The following NRG1 variants were observed in gnomAD, a reference collection of about 807,000 sequenced individuals.
NRG1 encodes pro-neuregulin-1, membrane-bound isoform.
A neutral mutation model predicts 63.8 loss-of-function variants in NRG1; 18 were observed. That is an observed-to-expected ratio of 0.28 (90% confidence interval 0.19 to 0.42). The LOEUF is 0.42. NRG1 is among the 10% of genes least tolerant of loss of function. NRG1 has a pLI of 1.00. For synonymous variants in NRG1, 302 were observed against 301.3 expected (o/e 1.00, Z -0.02); for missense variants, 762 against 814.7 (o/e 0.94, Z 0.79).
At chr8:32,597,148 A>C (rs1843498851) in intron 2 of NRG1, among the ~76,000 whole-genome samples, 1 of 152,208 alleles carries the variant, frequency 6.6e-6, no homozygotes, top group East Asian at 1.9e-4. Flanking sequence ...TAGTGGTTCC[A>C]AACTCAAAGA....
At chr8:31,821,967 T>G (rs1382260937) in intron 1 of NRG1, among the ~76,000 whole-genome samples, 4 of 152,196 alleles carry the variant, frequency 2.6e-5, no homozygotes, top group African/African-American at 4.8e-5. Flanking sequence ...GTAAACTACT[T>G]TTTCTTTATA....
At chr8:31,923,043 GA>G in intron 1 of NRG1, among the ~76,000 whole-genome samples, 2 of 152,272 alleles carry the variant, frequency 1.3e-5, no homozygotes, top group East Asian at 3.9e-4. Flanking sequence ...AAGTAGGCAA[GA>G]AGGAAGGGTG....
chr8:31,888,214 A>G (rs1333354007), intron 1 of NRG1, among the ~76,000 whole-genome samples: 1 of 151,888 alleles, frequency 6.6e-6, no homozygotes, highest in African/African-American at 2.4e-5. Context: ...CTTATTTTGG[A>G]ACTCACGCTG....
chr8:32,311,945 C>T (rs1856842836), intron 1 of NRG1, among the ~76,000 whole-genome samples: 2 of 152,052 alleles, frequency 1.3e-5, no homozygotes, highest in African/African-American at 2.4e-5. Context: ...AAATTGCTTC[C>T]GATTTCTTTT....
At chr8:32,271,485 C>T (rs1258805707) in intron 1 of NRG1, among the ~76,000 whole-genome samples, 3 of 152,006 alleles carry the variant, frequency 2.0e-5, no homozygotes, top group Admixed American at 2.0e-4. Context: ...TATAAGAAAA[C>T]ACTCCTTTTT....
At chr8:32,142,704 G>A (rs753641771) in intron 1 of NRG1, among the ~76,000 whole-genome samples, 37 of 152,288 alleles carry the variant, frequency 2.4e-4, no homozygotes, top group South Asian at 1.9e-3. Context: ...CCAGCTTTGG[G>A]ATTTGTTCCC....
At chr8:31,978,571 G>A (rs369371066) in intron 1 of NRG1, among the ~76,000 whole-genome samples, 27 of 152,158 alleles carry the variant, frequency 1.8e-4, no homozygotes, top group East Asian at 1.2e-3. Context: ...GTGTGAGTTG[G>A]TACTCTAAAA....
At chr8:31,671,902 T>A in intron 1 of NRG1, among the ~76,000 whole-genome samples, 1 of 152,050 alleles carries the variant, frequency 6.6e-6, no homozygotes, top group African/African-American at 2.4e-5. Context: ...ATGTTAGGTC[T>A]CTCACAATCT....
intron 9 of NRG1, among the ~76,000 whole-genome samples, chr8:32,756,992 C>T (rs1030344453): frequency 6.6e-6 from 1 of 152,104 alleles, no homozygotes; most frequent in African/African-American, 2.4e-5. Flanking sequence ...TTATGATTTC[C>T]AAAGGATTCT....
At chr8:31,738,978 T>C (rs1814980171) in intron 1 of NRG1, among the ~76,000 whole-genome samples, 1 of 152,088 alleles carries the variant, frequency 6.6e-6, no homozygotes, top group South Asian at 2.1e-4. Context: ...GGGTTAGGAC[T>C]TTAACACACC....
At chr8:32,361,165 A>G (rs1293621175) in intron 1 of NRG1, among the ~76,000 whole-genome samples, 2 of 152,136 alleles carry the variant, frequency 1.3e-5, no homozygotes, top group Admixed American at 1.3e-4. Flanking sequence ...CCTCTTCTCT[A>G]TCATTACCAA....
chr8:31,712,067 C>T (rs1645144684), intron 1 of NRG1, among the ~76,000 whole-genome samples: 1 of 151,806 alleles, frequency 6.6e-6, no homozygotes, highest in African/African-American at 2.4e-5. Context: ...GTCATCTAGT[C>T]TCTCATTCTT....
chr8:31,959,794 ATTATTTAT>A (rs202231999), intron 1 of NRG1, among the ~76,000 whole-genome samples: 17,192 of 122,122 alleles, frequency 0.14, 1,623 homozygotes, highest in East Asian at 0.45. Flanking sequence ...TTATTTATTT[ATTATTTAT>A]TTATTTATTT....
chr8:32,256,960 C>A (rs1849793798), intron 1 of NRG1, among the ~76,000 whole-genome samples: 1 of 152,172 alleles, frequency 6.6e-6, no homozygotes, highest in Non-Finnish European at 1.5e-5. Context: ...GGAGCTGCTG[C>A]CTTTCTTTCA....
At chr8:32,447,860 A>G (rs1820464489) in intron 1 of NRG1, among the ~76,000 whole-genome samples, 1 of 152,112 alleles carries the variant, frequency 6.6e-6, no homozygotes, top group Admixed American at 6.6e-5. Context: ...AAAAAAAAAA[A>G]AAAATACGTA....
intron 5 of NRG1, among the ~76,000 whole-genome samples, chr8:32,718,227 A>G (rs2128997180): frequency 6.6e-6 from 1 of 152,306 alleles, no homozygotes; most frequent in Non-Finnish European, 1.5e-5. Flanking sequence ...CGTGAAGAGT[A>G]ATGAGAAAAT....
intron 1 of NRG1, among the ~76,000 whole-genome samples, chr8:31,818,810 C>A (rs1332880123): frequency 6.6e-6 from 1 of 152,120 alleles, no homozygotes; most frequent in Admixed American, 6.5e-5. Context: ...GTAATCCCAG[C>A]ACTTTGGGAG....
At chr8:32,508,458 T>C (rs969109801) in intron 1 of NRG1, among the ~76,000 whole-genome samples, 1 of 96,422 alleles carries the variant, frequency 1.0e-5, no homozygotes, top group African/African-American at 3.3e-5. Flanking sequence ...ACCCAGCTAG[T>C]TTTTTTTTTT....
intron 1 of NRG1, among the ~76,000 whole-genome samples, chr8:32,204,980 T>A: frequency 6.6e-6 from 1 of 152,154 alleles, no homozygotes; most frequent in East Asian, 1.9e-4. Flanking sequence ...AATAACAAAT[T>A]AAGTAACTAA....
Sources: gnomAD v4.1 joint callset for allele counts (sites outside exome capture counted in the v4.1 genomes callset) on GRCh38, gnomAD v4.1.1 for gene constraint, MANE v1.5 for transcripts, NCBI Gene and HGNC (gene_info 2026-07-23, HGNC 2026-07-21) for gene names.